Variants in FAT3 observed in about 807,000 individuals in gnomAD.
FAT3 encodes protocadherin Fat 3.
A neutral mutation model predicts 310.2 loss-of-function variants in FAT3; 95 were observed. The ratio of observed to expected loss-of-function variants is 0.31; its 90% confidence interval spans 0.26 to 0.36. The LOEUF (loss-of-function observed/expected upper bound fraction) is 0.36, where lower values mean the gene tolerates loss of function less well. FAT3 is among the 10% of genes least tolerant of loss of function. The pLI, the probability that FAT3 is intolerant of heterozygous loss-of-function variation, is 1.00. For missense variants in FAT3, 5,408 were observed against 5,715.6 expected (o/e 0.95, Z 1.74); for synonymous variants, 2,314 against 2,192.9 (o/e 1.06, Z -1.54).
At chr11:92,372,729 C>T (rs1411584489) in intron 2 of FAT3, among the ~76,000 whole-genome samples, 2 of 151,952 alleles carry the variant, frequency 1.3e-5, no homozygotes, top group Non-Finnish European at 2.9e-5. Context: ...GGCGCGATCT[C>T]GGCTCACTGC....
At chr11:92,259,080 C>T (rs557218843) in intron 1 of FAT3, among the ~76,000 whole-genome samples, 7 of 152,068 alleles carry the variant, frequency 4.6e-5, no homozygotes, top group Middle Eastern at 3.4e-3. Context: ...CTTTCTAATC[C>T]TGATCTGACA....
chr11:92,719,561 G>A (rs1164006000), intron 4 of FAT3, among the ~76,000 whole-genome samples: 1 of 152,032 alleles, frequency 6.6e-6, no homozygotes, highest in African/African-American at 2.4e-5. Context: ...TAAATACCAT[G>A]TAAATAGTTT....
chr11:92,484,062 G>A (rs1372215329), intron 2 of FAT3, among the ~76,000 whole-genome samples: 1 of 152,154 alleles, frequency 6.6e-6, no homozygotes, highest in African/African-American at 2.4e-5. Flanking sequence ...AGTGGTCAAG[G>A]GCTGAGTCCC....
intron 3 of FAT3, among the ~76,000 whole-genome samples, chr11:92,566,941 A>G (rs1159959517): frequency 1.3e-5 from 2 of 152,212 alleles, no homozygotes; most frequent in African/African-American, 4.8e-5. Flanking sequence ...ACCGTAGAAG[A>G]AAACCTAGAC....
Position 92,836,722 on chromosome 11 carries a change from G to C in FAT3, c.10224+19G>C. On this transcript the variant is annotated intron_variant, in intron 16 of 27. Transcript: ENST00000525166. ...GGAACGGGTAAGCTAGTTTAGGACA[G>C]TTTCCTTCCCATCCACATCCACCAC... 6.2e-7 allele frequency: 1 copy of C among 1,607,002 alleles called. No individual in the cohort carries two copies. Among genetic ancestry groups the C allele is most frequent in the Non-Finnish European group, 8.5e-7 (1 of 1,176,292 alleles).
chr11:92,649,871 GTTCATATATATATATATATATATA>G lies in FAT3; in HGVS notation c.3608-47511_3608-47488del, dbSNP rs1458595559. Among the ~76,000 whole-genome samples, 70 of 114,092 alleles carry G rather than the reference GTTCATATATATATATATATATATA, an allele frequency of 6.1e-4. 1 individual carries two copies. Among genetic ancestry groups the G allele is most frequent in the African/African-American group, 2.1e-3 (62 of 29,812 alleles). The allele number at this position is 114,092 out of a possible 152,430, so 74.8% of individuals were successfully genotyped here. A position where few individuals can be genotyped will look rare whatever the true frequency, so the allele number is the denominator to read the frequency against. ...CATTTGTTAAACACCCACTTTGTAT[GTTCATATATATATATATATATATA>G]TATATATATATATATATATATGCAC... On this transcript the variant is annotated intron_variant, in intron 3 of 27. Transcript: ENST00000525166.
intron 1 of FAT3, among the ~76,000 whole-genome samples, 129 bp downstream of exon 1, chr11:92,225,303 G>T (rs1270971582): frequency 6.6e-6 from 1 of 152,162 alleles, no homozygotes; most frequent in Non-Finnish European, 1.5e-5. Context: ...GAGAGCCGAC[G>T]AAGCGCGTGG....
Position 92,843,917 on chromosome 11 carries a change from C to T in FAT3, c.10567-17C>T. ...GTTTTCTTCCTTTGTTGCCTTTTCACCTCTTGGTTGTTTTAGGCAAAGGAT... is the reference window on the plus strand; with the variant it reads ...GTTTTCTTCCTTTGTTGCCTTTTCATCTCTTGGTTGTTTTAGGCAAAGGAT... On this transcript the variant is annotated splice_polypyrimidine_tract_variant and intron_variant, in intron 18 of 27. Coordinates refer to ENST00000525166, the MANE Select transcript of FAT3 (RefSeq NM_001367949.2). 6.4e-7 allele frequency: 1 copy of T among 1,571,738 alleles called. No individual in the cohort carries two copies. The highest frequency in any genetic ancestry group is 8.6e-7 in the Non-Finnish European group (1 of 1,159,278).
At chr11:92,497,680 C>A (rs576668593) in intron 2 of FAT3, among the ~76,000 whole-genome samples, 21 of 152,142 alleles carry the variant, frequency 1.4e-4, no homozygotes, top group African/African-American at 4.1e-4. Flanking sequence ...TAGTCAGAAG[C>A]TATCTATCAA....
intron 2 of FAT3, among the ~76,000 whole-genome samples, chr11:92,514,140 T>C (rs1056944916): frequency 1.4e-4 from 22 of 152,182 alleles, no homozygotes; most frequent in Admixed American, 5.2e-4. Flanking sequence ...TTAAAACAAA[T>C]ATGTGTTTCA....
rs771644045 is a variant in FAT3, at chr11:92,798,700, C to T, written c.5687C>T (p.Thr1896Ile). Residue 1896 changes from threonine to isoleucine, a missense_variant, in exon 10 of 28, where the codon ACC becomes ATC. Physicochemically the swap from Thr to Ile is moderately conservative, Grantham distance 89. Around this residue, in one of 5 missense-constraint regions of FAT3, gnomAD observed 4,588 missense variants for 4,809.8 expected, o/e 0.95. Coordinates refer to ENST00000525166, the MANE Select transcript of FAT3 (RefSeq NM_001367949.2). ...AVFETILLLP[T>I]YVGVEVLKVS... is the part of the protein sequence containing the mutation. ...TTTGAGACTATCTTACTTCTACCTACCTATGTTGGAGTGGAGGTTCTGAAA... is the reference window on the plus strand; with the variant it reads ...TTTGAGACTATCTTACTTCTACCTATCTATGTTGGAGTGGAGGTTCTGAAA... 4 of 1,613,668 alleles carry T rather than the reference C, an allele frequency of 2.5e-6. No individual in the cohort carries two copies. The East Asian group carries it at 6.7e-5, about 27-fold the overall frequency.
intron 3 of FAT3, among the ~76,000 whole-genome samples, chr11:92,577,086 TA>T (rs1938522413): frequency 6.6e-6 from 1 of 152,046 alleles, no homozygotes; most frequent in Admixed American, 6.6e-5. Context: ...TGTCAGGCAT[TA>T]CCTTGTTTTT....
At chr11:92,340,503 T>C (rs1948222284) in intron 1 of FAT3, among the ~76,000 whole-genome samples, 1 of 152,238 alleles carries the variant, frequency 6.6e-6, no homozygotes, top group African/African-American at 2.4e-5. Flanking sequence ...TTGAACCGTC[T>C]GCATTGGATT....
At chr11:92,247,706 A>G (rs1371301894) in intron 1 of FAT3, among the ~76,000 whole-genome samples, 4 of 147,950 alleles carry the variant, frequency 2.7e-5, no homozygotes, top group Non-Finnish European at 5.9e-5. Flanking sequence ...TGCCTATTGT[A>G]AGATGTTTAG....
chr11:92,698,932 T>A (rs1212454855), intron 4 of FAT3, among the ~76,000 whole-genome samples: 1 of 152,180 alleles, frequency 6.6e-6, no homozygotes, highest in Non-Finnish European at 1.5e-5. Flanking sequence ...TGAGATCACT[T>A]ATGGCCCAGT....
chr11:92,474,586 A>G (rs1394546000), intron 2 of FAT3, among the ~76,000 whole-genome samples: 1 of 152,090 alleles, frequency 6.6e-6, no homozygotes, highest in East Asian at 1.9e-4. Context: ...GGCCTTAGAC[A>G]AGGGACCACA....
chr11:92,856,695 T>C (rs1948987277), intron 19 of FAT3, among the ~76,000 whole-genome samples: 2 of 152,164 alleles, frequency 1.3e-5, no homozygotes, highest in South Asian at 2.1e-4. Context: ...ACAATGTGAG[T>C]TGTGTTTCAA....
chr11:92,597,819 G>A (rs1939789614), intron 3 of FAT3, among the ~76,000 whole-genome samples: 1 of 152,174 alleles, frequency 6.6e-6, no homozygotes, highest in Non-Finnish European at 1.5e-5. Flanking sequence ...GTAGAAAAAT[G>A]CATCAGTAAT....
intron 4 of FAT3, among the ~76,000 whole-genome samples, chr11:92,728,032 A>G (rs1248636044): frequency 6.6e-6 from 1 of 152,074 alleles, no homozygotes; most frequent in Non-Finnish European, 1.5e-5. Flanking sequence ...GTACTGAACA[A>G]CTGGGTCTCT....
Sources: allele counts gnomAD v4.1 joint callset (sites outside exome capture counted in the v4.1 genomes callset), GRCh38; gene constraint gnomAD v4.1.1; regional missense constraint gnomAD v4.1.1; transcripts MANE v1.5; gene names NCBI Gene and HGNC (gene_info 2026-07-23, HGNC 2026-07-21).